Variants in KCNIP4 observed in about 807,000 individuals in gnomAD.
The protein encoded by KCNIP4 is potassium voltage-gated channel interacting protein 4, also known as Kv channel-interacting protein 4.
A neutral mutation model predicts 34.0 loss-of-function variants in KCNIP4; 12 were observed. The ratio of observed to expected loss-of-function variants is 0.35; its 90% confidence interval spans 0.23 to 0.57. The LOEUF (loss-of-function observed/expected upper bound fraction) is 0.57. KCNIP4 is among the 20% of genes least tolerant of loss of function. KCNIP4 has a pLI of 0.83. For synonymous variants in KCNIP4, 124 were observed against 102.2 expected, an observed-to-expected ratio of 1.21 and a Z score of -1.29; for missense variants, 238 against 311.7, an observed-to-expected ratio of 0.76 and a Z score of 1.78.
chr4:21,684,419 C>T (rs1339207260), intron 1 of KCNIP4, among the ~76,000 whole-genome samples: 1 of 152,062 alleles, frequency 6.6e-6, no homozygotes, highest in Non-Finnish European at 1.5e-5. Flanking sequence ...AGATTTAAAA[C>T]ATAAAATAAT....
At chr4:21,773,769 T>TTTTTTG (rs1718990289) in intron 1 of KCNIP4, among the ~76,000 whole-genome samples, 1 of 144,256 alleles carries the variant, frequency 6.9e-6, no homozygotes, top group African/African-American at 2.5e-5. Context: ...GTTTGTTTGT[T>TTTTTTG]TTTGTTTTGT....
intron 1 of KCNIP4, among the ~76,000 whole-genome samples, chr4:21,061,123 A>G (rs1743880336): frequency 6.6e-6 from 1 of 152,192 alleles, no homozygotes; most frequent in Non-Finnish European, 1.5e-5. Context: ...AGTACAGTAG[A>G]TGAATGAAGA....
At chr4:21,815,693 A>G (rs1283794166) in intron 1 of KCNIP4, among the ~76,000 whole-genome samples, 1 of 152,150 alleles carries the variant, frequency 6.6e-6, no homozygotes, top group Admixed American at 6.6e-5. Context: ...CCTGTTTGTG[A>G]AGCTAATTTC....
chr4:21,059,302 A>G (rs150264354), intron 1 of KCNIP4, among the ~76,000 whole-genome samples: 199 of 152,256 alleles, frequency 1.3e-3, no homozygotes, highest in African/African-American at 4.6e-3. Flanking sequence ...CAGTGACGTT[A>G]ATCTCTAATC....
chr4:21,398,797 C>T (rs2109542459), intron 1 of KCNIP4, among the ~76,000 whole-genome samples: 1 of 152,284 alleles, frequency 6.6e-6, no homozygotes, highest in African/African-American at 2.4e-5. Flanking sequence ...TCGTAATCTC[C>T]TTCTTGCTAT....
rs1747036436 is a variant in KCNIP4 at position 20,729,137 on chromosome 4, A to C, written c.*945T>G. ...TTTCTTTGTCCCTGAATGGCTTGTA[A>C]TATAAATAAACATGCTGTAAGGAAG... is the stretch of plus-strand genomic sequence containing the variant. On this transcript the variant is annotated 3_prime_UTR_variant, in exon 9 of 9. Coordinates refer to ENST00000382152, the MANE Select transcript of KCNIP4 (RefSeq NM_025221.6). 6.6e-6 allele frequency: 1 copy of C among 152,616 alleles called. No individual in the cohort carries two copies. Among genetic ancestry groups the C allele is most frequent in the African/African-American group, 2.4e-5 (1 of 41,444 alleles). The allele number at this position is 152,616 out of a possible 1,614,324, so 9.5% of individuals were successfully genotyped here. A position where few individuals can be genotyped will look rare whatever the true frequency, so the allele number is the denominator to read the frequency against.
chr4:20,911,416 G>C (rs1050975683), intron 1 of KCNIP4, among the ~76,000 whole-genome samples: 5 of 152,134 alleles, frequency 3.3e-5, no homozygotes, highest in Admixed American at 3.3e-4. Flanking sequence ...CCCTAATAAA[G>C]TGTGAGTAGA....
intron 1 of KCNIP4, among the ~76,000 whole-genome samples, chr4:21,364,808 G>A (rs1719569216): frequency 6.6e-6 from 1 of 152,122 alleles, no homozygotes; most frequent in South Asian, 2.1e-4. Flanking sequence ...ACAAATATGG[G>A]TGATTTCATA....
intron 1 of KCNIP4, among the ~76,000 whole-genome samples, chr4:21,665,953 A>C (rs906039942): frequency 6.6e-6 from 1 of 152,170 alleles, no homozygotes; most frequent in African/African-American, 2.4e-5. Context: ...ACTAACTTTA[A>C]TATCTGCTGT....
At chr4:21,879,039 T>G (rs531708735) in intron 1 of KCNIP4, among the ~76,000 whole-genome samples, 1 of 152,224 alleles carries the variant, frequency 6.6e-6, no homozygotes, top group Non-Finnish European at 1.5e-5. Context: ...TAGATTATCA[T>G]GTGCTGCCTA....
intron 1 of KCNIP4, among the ~76,000 whole-genome samples, chr4:21,354,849 T>C (rs1718405597): frequency 6.6e-6 from 1 of 152,206 alleles, no homozygotes; most frequent in Non-Finnish European, 1.5e-5. Context: ...ATATACATTC[T>C]TCTCAGCACC....
At chr4:20,869,498 A>G (rs1334350006) in intron 2 of KCNIP4, among the ~76,000 whole-genome samples, 1 of 152,136 alleles carries the variant, frequency 6.6e-6, no homozygotes, top group Non-Finnish European at 1.5e-5. Context: ...TTGCAGTAAT[A>G]TCTAGTGTTA....
chr4:21,236,984 T>A (rs1366655287), intron 1 of KCNIP4, among the ~76,000 whole-genome samples: 1 of 150,020 alleles, frequency 6.7e-6, no homozygotes, highest in East Asian at 2.0e-4. Flanking sequence ...CCAGCCTGGG[T>A]GACAGAGGGA....
intron 1 of KCNIP4, among the ~76,000 whole-genome samples, chr4:21,642,289 G>C (rs1290172318): frequency 1.3e-5 from 2 of 151,804 alleles, no homozygotes; most frequent in Non-Finnish European, 2.9e-5. Context: ...TGTCAGCTAT[G>C]AGACAGTACC....
chr4:21,719,468 C>T (rs1190068531), intron 1 of KCNIP4, among the ~76,000 whole-genome samples: 24 of 152,096 alleles, frequency 1.6e-4, no homozygotes, highest in Admixed American at 1.6e-3. Context: ...ATATATGGTA[C>T]TTCATCAGGA....
intron 1 of KCNIP4, among the ~76,000 whole-genome samples, chr4:20,935,546 C>T (rs969720988): frequency 3.9e-5 from 6 of 152,040 alleles, no homozygotes; most frequent in African/African-American, 1.4e-4. Flanking sequence ...TATTTCTGTC[C>T]AAGTTTTCCA....
intron 1 of KCNIP4, among the ~76,000 whole-genome samples, chr4:21,339,424 T>G (rs1201211289): frequency 6.6e-6 from 1 of 152,186 alleles, no homozygotes; most frequent in Non-Finnish European, 1.5e-5. Context: ...GCAAAACAAC[T>G]CGTCAACATA....
At chr4:21,765,838 AAC>A (rs1419425053) in intron 1 of KCNIP4, among the ~76,000 whole-genome samples, 16 of 148,598 alleles carry the variant, frequency 1.1e-4, no homozygotes, top group African/African-American at 2.7e-4. Flanking sequence ...AAAAAAAAAA[AAC>A]AAACTGAAGA....
At chr4:21,723,802 T>C in intron 1 of KCNIP4, among the ~76,000 whole-genome samples, 1 of 152,120 alleles carries the variant, frequency 6.6e-6, no homozygotes, top group East Asian at 1.9e-4. Flanking sequence ...GTGATCTATT[T>C]AATACAAATG....
Sources: gnomAD v4.1 joint callset for allele counts (sites outside exome capture counted in the v4.1 genomes callset) on GRCh38, gnomAD v4.1.1 for gene constraint, MANE v1.5 for transcripts, NCBI Gene and HGNC (gene_info 2026-07-23, HGNC 2026-07-21) for gene names.